The following KIRREL3 variants were observed in gnomAD, a reference collection of about 807,000 sequenced individuals.
KIRREL3 encodes the protein kirre like nephrin family adhesion molecule 3.
A neutral mutation model predicts 89.7 loss-of-function variants in KIRREL3; 36 were observed. The observed-to-expected ratio is 0.40, with a 90% CI of 0.31 to 0.53. The LOEUF (loss-of-function observed/expected upper bound fraction) is 0.53. Ranked by LOEUF, KIRREL3 falls within the 20% of genes least tolerant of loss-of-function variation. The pLI is 0.49. For missense variants in KIRREL3, 864 were observed against 1,056.6 expected (o/e 0.82, Z 2.53); for synonymous variants, 445 against 441.4 (o/e 1.01, Z -0.10).
chr11:126,476,947 G>A lies in KIRREL3; in HGVS notation c.434-3481C>T, dbSNP rs1124515. Among the ~76,000 whole-genome samples, 32,214 of 152,222 alleles carry A rather than the reference G, an allele frequency of 0.21. 3,562 individuals carry two copies. Among genetic ancestry groups the A allele is most frequent in the Non-Finnish European group, 0.25 (16,666 of 67,992 alleles). On this transcript the variant is annotated intron_variant, in intron 4 of 16. Transcript: ENST00000525144. The surrounding 1 kb of genome is among the most constrained non-coding windows in gnomAD (Gnocchi z 6.4). The stretch of plus-strand genomic sequence containing the variant: ...AATTTTTAATCACAAGGAAGGTGGA[G>A]GCGTTAGCCTTTTCGTGATTAATCC...
chr11:126,759,581 G>A lies in KIRREL3; in HGVS notation c.56-196669C>T, dbSNP rs115254969. On this transcript the variant is annotated intron_variant, in intron 1 of 16. Transcript: ENST00000525144. ...ATCTGTGGAGATCATTAGACAACAC[G>A]TAGCATCGTGCTGGCCAGGAAGATG... Among the ~76,000 whole-genome samples the A allele has an allele frequency of 6.7e-3, 1,015 of 152,324 alleles. 10 individuals are homozygous for A. The highest frequency in any genetic ancestry group is 0.023 in the African/African-American group (950 of 41,568).
rs1308995474 is a variant in KIRREL3 at position 126,645,308 on chromosome 11, C to T, written c.56-82396G>A. ...CAGTTTTTATGAAGACCTCCAGCGT[C>T]TTCATGTGTGGTCCTCAAATCCTGA... On this transcript the variant is annotated intron_variant, in intron 1 of 16. Coordinates refer to ENST00000525144, the MANE Select transcript of KIRREL3 (RefSeq NM_032531.4). This position sits in a 1 kb window ranked among gnomAD's most constrained non-coding sequence, Gnocchi z 4.9. Among the ~76,000 whole-genome samples the T allele has an allele frequency of 6.6e-6, 1 of 152,150 alleles. No individual in the cohort carries two copies. The highest frequency in any genetic ancestry group is 1.5e-5 in the Non-Finnish European group (1 of 68,036).
intron 2 of KIRREL3, among the ~76,000 whole-genome samples, chr11:126,559,426 T>G (rs1939946446): frequency 6.6e-6 from 1 of 152,214 alleles, no homozygotes. Flanking sequence ...CAGGAGTCTT[T>G]GCCCTCCTCC....
intron 10 of KIRREL3, 54 bp downstream of exon 10, chr11:126,444,925 C>T: frequency 6.2e-7 from 1 of 1,606,952 alleles, no homozygotes; most frequent in Non-Finnish European, 8.5e-7. Flanking sequence ...TGCCAAGATG[C>T]CTGAGGTCCT....
chr11:126,867,315 T>A lies in KIRREL3; in HGVS notation c.55+133140A>T, dbSNP rs1944959203. Among the ~76,000 whole-genome samples the A allele has an allele frequency of 1.3e-5, 2 of 152,204 alleles. No individual in the cohort carries two copies. Among genetic ancestry groups the A allele is most frequent in the Admixed American group, 1.3e-4 (2 of 15,280 alleles). On this transcript the variant is annotated intron_variant, in intron 1 of 16. Transcript: ENST00000525144. This position sits in a 1 kb window ranked among gnomAD's most constrained non-coding sequence, Gnocchi z 4.7. ...ACCTGTGCTGGGACTCTCCTCTCAT[T>A]ACCTGCACTCCAATGGGTCCAGGTG...
rs1472905107 is a variant in KIRREL3 at position 126,687,686 on chromosome 11, C to A, written c.56-124774G>T. On this transcript the variant is annotated intron_variant, in intron 1 of 16. Transcript: ENST00000525144. This position sits in a 1 kb window ranked among gnomAD's most constrained non-coding sequence, Gnocchi z 4.6. ...AACAAATTTACATTGCACTCTCCTA[C>A]ATGCCAGGCATTGTTTTGGATGCTG... 6.6e-6 allele frequency among the ~76,000 whole-genome samples: 1 copy of A among 152,268 alleles called. No homozygotes were observed. Among genetic ancestry groups the A allele is most frequent in the Non-Finnish European group, 1.5e-5 (1 of 68,050 alleles).
At position 126,443,687 on chromosome 11, in the gene KIRREL3, C is replaced by A. The variant is rs554712592; in HGVS notation, c.1252+1292G>T. On this transcript the variant is annotated intron_variant, in intron 10 of 16. Transcript: ENST00000525144. This position sits in a 1 kb window ranked among gnomAD's most constrained non-coding sequence, Gnocchi z 7.3. ...CACCAAGCTGGTTTTGGTTTTCTAG[C>A]GAAGGGGAGAATAGATGAGGCCATC... Among the ~76,000 whole-genome samples the A allele has an allele frequency of 6.6e-6, 1 of 151,940 alleles. No homozygotes were observed. Among genetic ancestry groups the A allele is most frequent in the African/African-American group, 2.4e-5 (1 of 41,356 alleles).
chr11:126,755,404 C>T lies in KIRREL3; in HGVS notation c.56-192492G>A, dbSNP rs1317204985. ...GGAACATGACAGGAAAAGAACCCAG[C>T]TTCATGAAGAAATTCTAATTTTCAG... is the stretch of plus-strand genomic sequence containing the variant. On this transcript the variant is annotated intron_variant, in intron 1 of 16. Transcript: ENST00000525144. This position sits in a 1 kb window ranked among gnomAD's most constrained non-coding sequence, Gnocchi z 4.3. Among the ~76,000 whole-genome samples the T allele has an allele frequency of 1.3e-5, 2 of 152,062 alleles. No homozygotes were observed. Among genetic ancestry groups the T allele is most frequent in the Non-Finnish European group, 2.9e-5 (2 of 68,016 alleles).
At chr11:126,447,546 A>G (rs1955866918) in intron 8 of KIRREL3, among the ~76,000 whole-genome samples, 1 of 152,158 alleles carries the variant, frequency 6.6e-6, no homozygotes, top group East Asian at 1.9e-4. Flanking sequence ...CGCCCATTGC[A>G]GTGGAGCAGC....
At chr11:126,707,091 C>CT (rs963640406) in intron 1 of KIRREL3, among the ~76,000 whole-genome samples, 1 of 152,002 alleles carries the variant, frequency 6.6e-6, no homozygotes, top group Admixed American at 6.6e-5. Context: ...GCAGCTGGGA[C>CT]TACAGGTGCA....
At chr11:126,629,661 G>T (rs1943936740) in intron 1 of KIRREL3, among the ~76,000 whole-genome samples, 1 of 152,186 alleles carries the variant, frequency 6.6e-6, no homozygotes, top group Admixed American at 6.5e-5. Context: ...GATTGGGTCT[G>T]CCCAATGAGG....
rs1393065251 is a variant in KIRREL3 at position 126,802,995 on chromosome 11, T to C, written c.55+197460A>G. On this transcript the variant is annotated intron_variant, in intron 1 of 16. Coordinates refer to ENST00000525144, the MANE Select transcript of KIRREL3 (RefSeq NM_032531.4). This position sits in a 1 kb window ranked among gnomAD's most constrained non-coding sequence, Gnocchi z 5.2. ...CTGTATTCCCTGGAAGCTTCCTACA[T>C]GGGTATTACAGAGTTAGCTAATTGA... 6.6e-6 allele frequency among the ~76,000 whole-genome samples: 1 copy of C among 152,164 alleles called. No homozygotes were observed. Among genetic ancestry groups the C allele is most frequent in the Non-Finnish European group, 1.5e-5 (1 of 68,024 alleles).
chr11:126,677,178 T>C lies in KIRREL3; in HGVS notation c.56-114266A>G, dbSNP rs1946232964. On this transcript the variant is annotated intron_variant, in intron 1 of 16. Coordinates refer to ENST00000525144, the MANE Select transcript of KIRREL3 (RefSeq NM_032531.4). This position sits in a 1 kb window ranked among gnomAD's most constrained non-coding sequence, Gnocchi z 5.1. The stretch of plus-strand genomic sequence containing the variant: ...ACCACCACAGTCCATTTAGAACCTT[T>C]TAAAATCACCCCAAAGAAACCCTGT... Among the ~76,000 whole-genome samples, 1 of 152,144 alleles carries C rather than the reference T, an allele frequency of 6.6e-6. No individual in the cohort carries two copies. The highest frequency in any genetic ancestry group is 1.5e-5 in the Non-Finnish European group (1 of 68,022).
intron 2 of KIRREL3, among the ~76,000 whole-genome samples, chr11:126,534,594 C>T (rs995537667): frequency 4.6e-5 from 7 of 152,186 alleles, no homozygotes; most frequent in East Asian, 3.9e-4. Flanking sequence ...CCAGCCTGTG[C>T]GTCTCCCCTG....
intron 1 of KIRREL3, among the ~76,000 whole-genome samples, chr11:126,567,156 T>G (rs904533588): frequency 1.3e-5 from 2 of 152,238 alleles, no homozygotes; most frequent in African/African-American, 4.8e-5. Context: ...ATTGAAGTCC[T>G]AATCCCAGTC....
chr11:126,922,671 T>C (rs897653592), intron 1 of KIRREL3, among the ~76,000 whole-genome samples: 2 of 151,708 alleles, frequency 1.3e-5, no homozygotes, highest in African/African-American at 4.8e-5. Context: ...TATGTGCAAG[T>C]CTCTCCCACC....
At chr11:126,926,326 A>G (rs775877378) in intron 1 of KIRREL3, among the ~76,000 whole-genome samples, 1 of 152,224 alleles carries the variant, frequency 6.6e-6, no homozygotes, top group Non-Finnish European at 1.5e-5. Flanking sequence ...GGGTTGTGAG[A>G]ACGAAAGTTA....
At chr11:126,799,069 C>T (rs929840420) in intron 1 of KIRREL3, among the ~76,000 whole-genome samples, 116 of 143,446 alleles carry the variant, frequency 8.1e-4, no homozygotes, top group Non-Finnish European at 1.3e-3. Context: ...TGCGTGTGCA[C>T]GTATTCGTGT....
In KIRREL3 at chr11:126,685,842, C is replaced by A. The variant is rs1284497085; in HGVS notation, c.56-122930G>T. Reference sequence around the variant, plus strand: ...CTCCACGCCCCTTGGGGGCAGATGGCCGACCCACTGGATCGGGGCCACTGG... The same window carrying A: ...CTCCACGCCCCTTGGGGGCAGATGGACGACCCACTGGATCGGGGCCACTGG... On this transcript the variant is annotated intron_variant, in intron 1 of 16. Coordinates refer to ENST00000525144, the MANE Select transcript of KIRREL3 (RefSeq NM_032531.4). This position sits in a 1 kb window ranked among gnomAD's most constrained non-coding sequence, Gnocchi z 5.5. 1.3e-5 allele frequency among the ~76,000 whole-genome samples: 2 copies of A among 152,360 alleles called. No individual in the cohort carries two copies. The highest frequency in any genetic ancestry group is 3.9e-4 in the East Asian group (2 of 5,182).
Sources: gnomAD v4.1 joint callset for allele counts (sites outside exome capture counted in the v4.1 genomes callset) on GRCh38, gnomAD v4.1.1 for gene constraint, Gnocchi (gnomAD v3.1) non-coding constraint, MANE v1.5 for transcripts, NCBI Gene and HGNC (gene_info 2026-07-23, HGNC 2026-07-21) for gene names.